The following GALNT18 variants were observed in gnomAD, a reference collection of about 807,000 sequenced individuals.
The protein encoded by GALNT18 is polypeptide N-acetylgalactosaminyltransferase 18.
Under a neutral mutation model 69.5 loss-of-function variants are expected in GALNT18, and 44 were observed. That is an observed-to-expected ratio of 0.63 (90% CI 0.50 to 0.81). The LOEUF (loss-of-function observed/expected upper bound fraction) is 0.81, where lower values mean the gene tolerates loss of function less well. GALNT18 is among the 40% of genes least tolerant of loss of function. GALNT18 has a pLI of 0.00. For synonymous variants in GALNT18, 364 were observed against 318.2 expected (o/e 1.14, Z -1.53); for missense variants, 715 against 810.0 (o/e 0.88, Z 1.42).
intron 10 of GALNT18, among the ~76,000 whole-genome samples, chr11:11,291,717 C>T (rs1265951597): frequency 1.3e-5 from 2 of 152,190 alleles, no homozygotes; most frequent in African/African-American, 4.8e-5. Flanking sequence ...TCTCCACCAT[C>T]TGCTTTCCTG....
At chr11:11,568,785 C>G (rs1461393494) in intron 1 of GALNT18, among the ~76,000 whole-genome samples, 2 of 152,198 alleles carry the variant, frequency 1.3e-5, no homozygotes, top group Non-Finnish European at 2.9e-5. Context: ...TCTGTCTAAA[C>G]TGATCAGTGG....
At chr11:11,610,434 G>A (rs928837124) in intron 1 of GALNT18, among the ~76,000 whole-genome samples, 3 of 152,200 alleles carry the variant, frequency 2.0e-5, no homozygotes, top group African/African-American at 7.2e-5. Context: ...GGTGACAGGT[G>A]TAAAGTATTT....
chr11:11,472,405 A>G (rs1188588798), intron 1 of GALNT18, among the ~76,000 whole-genome samples: 2 of 152,216 alleles, frequency 1.3e-5, no homozygotes, highest in Non-Finnish European at 2.9e-5. Context: ...TTCTGCCCCC[A>G]GTAAATCAAA....
At chr11:11,570,309 C>G in intron 1 of GALNT18, 1 of 152,608 alleles carries the variant, frequency 6.6e-6, no homozygotes, top group East Asian at 1.9e-4. Flanking sequence ...GATAGCACTG[C>G]AGACCTGTGT....
rs749534268 is a variant in GALNT18 at position 11,352,062 on chromosome 11, G to A, written c.1093-11058C>T. On this transcript the variant is annotated intron_variant, in intron 6 of 10. Transcript: ENST00000227756. ...AGGAGTTGGCACTGAAGAAATCCCTGACATCACATTGGCGCTGCTGACGGG... is the reference window on the plus strand; with the variant it reads ...AGGAGTTGGCACTGAAGAAATCCCTAACATCACATTGGCGCTGCTGACGGG... 1.4e-5 allele frequency: 22 copies of A among 1,613,696 alleles called. No homozygotes were observed. The East Asian group carries it at 4.5e-4, about 33-fold the overall frequency.
At chr11:11,419,818 G>A (rs1436293435) in intron 3 of GALNT18, among the ~76,000 whole-genome samples, 1 of 151,990 alleles carries the variant, frequency 6.6e-6, no homozygotes, top group Admixed American at 6.6e-5. Context: ...CTTGGGACAT[G>A]AGCTCCTAAA....
In GALNT18 at chr11:11,457,382, G is replaced by C. The variant is rs537686691; in HGVS notation, c.236-8446C>G. On this transcript the variant is annotated intron_variant, in intron 1 of 10. Coordinates refer to ENST00000227756, the MANE Select transcript of GALNT18 (RefSeq NM_198516.3). ...CATCGCTGGAGATAGAAATTCTGAGGTGCTGGTGGTTTTTTGGAGGAACTG... is the reference window on the plus strand; with the variant it reads ...CATCGCTGGAGATAGAAATTCTGAGCTGCTGGTGGTTTTTTGGAGGAACTG... Among the ~76,000 whole-genome samples the C allele has an allele frequency of 5.0e-4, 76 of 152,344 alleles. 1 individual carries two copies. Among genetic ancestry groups the C allele is most frequent in the African/African-American group, 1.7e-3 (72 of 41,588 alleles).
intron 6 of GALNT18, among the ~76,000 whole-genome samples, chr11:11,348,516 T>C (rs1359044470): frequency 6.6e-6 from 1 of 151,856 alleles, no homozygotes; most frequent in Non-Finnish European, 1.5e-5. Context: ...AGTGTGGAGA[T>C]AACCTCCCTC....
chr11:11,416,693 C>CGCCACCACACCAACCACA (rs1463062372), intron 3 of GALNT18, among the ~76,000 whole-genome samples: 23 of 152,150 alleles, frequency 1.5e-4, no homozygotes, highest in Non-Finnish European at 3.4e-4. Flanking sequence ...AGATGGCAGC[C>CGCCACCACACCAACCACA]GCCACCACAC....
At position 11,393,647 on chromosome 11, in the gene GALNT18, T is replaced by G. The variant is rs533596730; in HGVS notation, c.596-14383A>C. Among the ~76,000 whole-genome samples the G allele has an allele frequency of 2.6e-5, 4 of 152,316 alleles. No individual in the cohort carries two copies. The South Asian group carries it at 8.3e-4, about 32-fold the overall frequency. On this transcript the variant is annotated intron_variant, in intron 3 of 10. Transcript: ENST00000227756. The stretch of plus-strand genomic sequence containing the variant: ...CAGAATGCCAGGCATGGGCTGCCAG[T>G]AGAGGAACATCAACAGCTAGCTCAG...
rs1853988516 is a variant in GALNT18 at position 11,383,979 on chromosome 11, A to G, written c.596-4715T>C. Among the ~76,000 whole-genome samples, 1 of 152,100 alleles carries G rather than the reference A, an allele frequency of 6.6e-6. No individual in the cohort carries two copies. Among genetic ancestry groups the G allele is most frequent in the East Asian group, 1.9e-4 (1 of 5,196 alleles). On this transcript the variant is annotated intron_variant, in intron 3 of 10. Coordinates refer to ENST00000227756, the MANE Select transcript of GALNT18 (RefSeq NM_198516.3). This position sits in a 1 kb window ranked among gnomAD's most constrained non-coding sequence, Gnocchi z 5.2. ...GTCAATTAAACCTCTTTTCTTTATA[A>G]ATTGCCCAGTCTCAGGTAGTTCTTT... is the stretch of plus-strand genomic sequence containing the variant.
intron 3 of GALNT18, among the ~76,000 whole-genome samples, chr11:11,408,364 CAAAAAAAAAAAAAAA>C (rs57957956): frequency 7.1e-5 from 5 of 70,900 alleles, no homozygotes; most frequent in African/African-American, 1.5e-4. Flanking sequence ...GACTTCATCT[CAAAAAAAAAAAAAAA>C]AAAAAAAAAA....
At chr11:11,501,116 G>A (rs1274544430) in intron 1 of GALNT18, among the ~76,000 whole-genome samples, 1 of 152,202 alleles carries the variant, frequency 6.6e-6, no homozygotes, top group African/African-American at 2.4e-5. Context: ...CTGTTTAAGT[G>A]TGCCATTTTC....
intron 6 of GALNT18, among the ~76,000 whole-genome samples, chr11:11,363,352 G>C (rs1307513317): frequency 6.6e-6 from 1 of 152,158 alleles, no homozygotes; most frequent in East Asian, 1.9e-4. Context: ...CAACCGTACA[G>C]AGAGGAACAC....
chr11:11,515,666 T>C (rs1051240624), intron 1 of GALNT18, among the ~76,000 whole-genome samples: 1 of 152,232 alleles, frequency 6.6e-6, no homozygotes, highest in Non-Finnish European at 1.5e-5. Flanking sequence ...GGCTCTCTGA[T>C]GGCGGTGGCC....
At chr11:11,292,097 C>G (rs1849310409) in intron 10 of GALNT18, among the ~76,000 whole-genome samples, 1 of 152,160 alleles carries the variant, frequency 6.6e-6, no homozygotes, top group South Asian at 2.1e-4. Context: ...CCACTCAGTT[C>G]CATGAATACA....
Position 11,340,521 on chromosome 11 carries a change from G to A in GALNT18, c.1278+298C>T, listed in dbSNP as rs1850184932. Among the ~76,000 whole-genome samples, 1 of 152,216 alleles carries A rather than the reference G, an allele frequency of 6.6e-6. No homozygotes were observed. Among genetic ancestry groups the A allele is most frequent in the African/African-American group, 2.4e-5 (1 of 41,460 alleles). ...TGTCAGAGAAGCTGAGGACCTGGGAGCATGAAGGAAACTTGAGCTACCTGT... is the reference window on the plus strand; with the variant it reads ...TGTCAGAGAAGCTGAGGACCTGGGAACATGAAGGAAACTTGAGCTACCTGT... On this transcript the variant is annotated intron_variant, in intron 7 of 10. Transcript: ENST00000227756. The surrounding 1 kb of genome is among the most constrained non-coding windows in gnomAD (Gnocchi z 4.2).
At chr11:11,457,868 C>T (rs1433856197) in intron 1 of GALNT18, among the ~76,000 whole-genome samples, 1 of 152,246 alleles carries the variant, frequency 6.6e-6, no homozygotes, top group Non-Finnish European at 1.5e-5. Flanking sequence ...TCTGTAGCCA[C>T]TGCTATTTCT....
intron 10 of GALNT18, among the ~76,000 whole-genome samples, chr11:11,273,254 A>C (rs930765073): frequency 3.0e-5 from 2 of 65,604 alleles, no homozygotes; most frequent in African/African-American, 7.5e-5. Context: ...CAATCAAAGT[A>C]AAGAGACAGC....
Sources: allele counts gnomAD v4.1 joint callset (sites outside exome capture counted in the v4.1 genomes callset), GRCh38; gene constraint gnomAD v4.1.1; non-coding constraint Gnocchi (gnomAD v3.1); transcripts MANE v1.5; gene names NCBI Gene and HGNC (gene_info 2026-07-23, HGNC 2026-07-21).